Variants in INO80E observed in about 807,000 individuals in gnomAD.
INO80E encodes coiled-coil domain containing 95.
Under a neutral mutation model 27.3 loss-of-function variants are expected in INO80E, and 20 were observed. That is an observed-to-expected ratio of 0.73 (90% CI 0.51 to 1.06). The LOEUF (loss-of-function observed/expected upper bound fraction) is 1.06, where lower values mean the gene tolerates loss of function less well. Among genes scored for constraint, INO80E ranks in the 50% least tolerant of loss-of-function variants. INO80E has a pLI of 0.00. For missense variants in INO80E, 357 were observed against 322.8 expected (o/e 1.11, Z -0.81); for synonymous variants, 167 against 145.9 (o/e 1.14, Z -1.04).
In INO80E at chr16:30,003,621, T is replaced by C. The variant is rs914357319; in HGVS notation, c.514-1600T>C. 6.6e-6 allele frequency: 1 copy of C among 152,226 alleles called. No individual in the cohort carries two copies. Among genetic ancestry groups the C allele is most frequent in the Admixed American group, 6.5e-5 (1 of 15,282 alleles). The allele number at this position is 152,226 out of a possible 1,614,324, so 9.4% of individuals were successfully genotyped here. A position where few individuals can be genotyped will look rare whatever the true frequency, so the allele number is the denominator to read the frequency against. On this transcript the variant is annotated intron_variant, in intron 6 of 6. Coordinates refer to ENST00000563197, the MANE Select transcript of INO80E (RefSeq NM_173618.3). The surrounding 1 kb of genome is among the most constrained non-coding windows in gnomAD (Gnocchi z 4.4). ...GACCTCAGCGTTGTCATTTCACTCT[T>C]TAAGCCACAGCTCTCTTTCTCCATT...
chr16:29,996,530 C>G lies in INO80E; in HGVS notation c.82-17C>G. 1 of 1,558,998 alleles carries G rather than the reference C, an allele frequency of 6.4e-7. No homozygotes were observed. The highest frequency in any genetic ancestry group is 8.7e-7 in the Non-Finnish European group (1 of 1,151,234). The stretch of plus-strand genomic sequence containing the variant: ...CGGAGGACCGTTGGCCCAGCGCACC[C>G]CTTGCCCGTGATACAGGAGCACGAG... On this transcript the variant is annotated splice_polypyrimidine_tract_variant and intron_variant, in intron 1 of 6. Transcript: ENST00000563197.
At chr16:29,997,662 G>C (rs1237933087) in intron 3 of INO80E, among the ~76,000 whole-genome samples, 1 of 151,404 alleles carries the variant, frequency 6.6e-6, no homozygotes, top group Non-Finnish European at 1.5e-5. Flanking sequence ...GCTGAGGCAG[G>C]AGAATCATTT....
At chr16:29,996,441 A>C in intron 1 of INO80E, 50 bp downstream of exon 1, 1 of 1,556,700 alleles carries the variant, frequency 6.4e-7, no homozygotes, top group Non-Finnish European at 8.7e-7. Context: ...GGCGCGGACA[A>C]GATCTCAGTT....
Position 30,001,424 on chromosome 16 carries a change from C to G in INO80E, c.407C>G (p.Ser136Cys), listed in dbSNP as rs765194418. The change falls in exon 6 of 7, where the codon TCC (serine) becomes TGC (cysteine). Residue 136 changes from serine (S) to cysteine (C), a missense_variant. Transcript: ENST00000563197. ...PSPYLSSLAS[S>C]RYPPFPSDYL... ...CGCTCCCGCCCGCAGCTGGCCTCCTCCCGCTACCCCCCATTCCCTTCTGAC... is the reference window on the plus strand; with the variant it reads ...CGCTCCCGCCCGCAGCTGGCCTCCTGCCGCTACCCCCCATTCCCTTCTGAC... 4.5e-5 allele frequency: 72 copies of G among 1,600,866 alleles called. No homozygotes were observed. The highest frequency in any genetic ancestry group is 6.1e-5 in the Non-Finnish European group (71 of 1,173,086).
At chr16:30,001,603 G>A in intron 6 of INO80E, 73 bp downstream of exon 6, 1 of 1,418,142 alleles carries the variant, frequency 7.1e-7, no homozygotes, top group Non-Finnish European at 9.7e-7. Flanking sequence ...GCTGAAGGCG[G>A]GGGCCTGTCA....
chr16:30,001,736 C>T, intron 6 of INO80E: 1 of 541,780 alleles, frequency 1.8e-6, no homozygotes, highest in Non-Finnish European at 3.3e-6. Context: ...CTTGGAGGAC[C>T]CGGTGTGCAG....
At chr16:30,000,673 C>G (rs1188196808) in intron 3 of INO80E, 85 bp from the exon 4 acceptor site, 1 of 1,103,636 alleles carries the variant, frequency 9.1e-7, no homozygotes, top group African/African-American at 1.6e-5. Context: ...TCTTCCAGTG[C>G]CCTTCTGTAG....
In INO80E at chr16:30,001,439, T is replaced by C; in HGVS notation, c.422T>C (p.Phe141Ser). ...CTGGCCTCCTCCCGCTACCCCCCAT[T>C]CCCTTCTGACTACCTGGCCCTGCAG... ...SSLASSRYPPFPSDYLALQLP... is the reference protein window; with the variant it reads ...SSLASSRYPPSPSDYLALQLP... Residue 141 changes from phenylalanine to serine, a missense_variant, in exon 6 of 7, where the codon TTC becomes TCC. By Grantham distance (155) the Phe-to-Ser change is radical (BLOSUM62 -2). Transcript: ENST00000563197. The C allele has an allele frequency of 6.2e-7, 1 of 1,610,372 alleles. No homozygotes were observed. The highest frequency in any genetic ancestry group is 8.5e-7 in the Non-Finnish European group (1 of 1,178,408).
intron 3 of INO80E, among the ~76,000 whole-genome samples, chr16:29,997,552 A>C (rs2070178388): frequency 6.6e-6 from 1 of 152,198 alleles, no homozygotes; most frequent in Non-Finnish European, 1.5e-5. Context: ...TCGGGAGTTC[A>C]AGACCAGCCT....
At chr16:30,001,293 C>T in intron 5 of INO80E, 121 bp from the exon 6 acceptor site, 1 of 1,492,998 alleles carries the variant, frequency 6.7e-7, no homozygotes, top group Non-Finnish European at 9.0e-7. Flanking sequence ...CTCGGGAGCC[C>T]CGGGAGCCGC....
rs768258397 is a variant in INO80E, at chr16:29,996,370, G to A, written c.60G>A (p.Arg20=). The A allele has an allele frequency of 1.1e-5, 17 of 1,596,436 alleles. No homozygotes were observed. Among genetic ancestry groups the A allele is most frequent in the Non-Finnish European group, 1.4e-5 (16 of 1,171,328 alleles). Residue 20 remains arginine, a synonymous_variant, in exon 1 of 7, where the codon CGG becomes CGA. Transcript: ENST00000563197. ...DYKKKYRNLK[R]KLKFLIYEHE... is the part of the protein sequence containing the mutation. ...AAAAAAAATACCGGAATCTGAAGCG[G>A]AAGCTCAAGTTCCTCATCTACGTGA...
intron 6 of INO80E, chr16:30,002,814 G>T (rs1290865857): frequency 6.6e-6 from 1 of 152,370 alleles, no homozygotes; most frequent in East Asian, 1.9e-4. Flanking sequence ...AGCCTTGGGA[G>T]AGATGGGGAT....
chr16:30,004,706 AG>A (rs2070485228), intron 6 of INO80E: 1 of 155,180 alleles, frequency 6.4e-6, no homozygotes, highest in South Asian at 2.0e-4. Context: ...CGGGACCCCG[AG>A]GAGGGGCCCA....
At chr16:29,996,498 C>T in intron 1 of INO80E, 49 bp from the exon 2 acceptor site, 1 of 1,551,716 alleles carries the variant, frequency 6.4e-7, no homozygotes. Context: ...GGTTCCGGGG[C>T]CCTTCACGGA....
In INO80E at chr16:30,003,994, C is replaced by T. The variant is rs2070446855; in HGVS notation, c.514-1227C>T. 1.3e-5 allele frequency: 2 copies of T among 152,356 alleles called. No homozygotes were observed. The highest frequency in any genetic ancestry group is 2.4e-5 in the African/African-American group (1 of 41,424). The allele number at this position is 152,356 out of a possible 1,614,324, so 9.4% of individuals were successfully genotyped here. On this transcript the variant is annotated intron_variant, in intron 6 of 6. Transcript: ENST00000563197. The surrounding 1 kb of genome is among the most constrained non-coding windows in gnomAD (Gnocchi z 4.4). The stretch of plus-strand genomic sequence containing the variant: ...CTGACCCACCCTGGCCCCCACACCA[C>T]CCCAGCAGCGGAGATGAGGGTAAGT...
Position 30,001,427 on chromosome 16 carries a change from GCTACCCCCCATTCCCTTCTGA to G in INO80E, c.416_436del (p.Pro139_Tyr145del). On this transcript the variant is annotated inframe_deletion, in exon 6 of 7. Coordinates refer to ENST00000563197, the MANE Select transcript of INO80E (RefSeq NM_173618.3). ...TCCCGCCCGCAGCTGGCCTCCTCCC[GCTACCCCCCATTCCCTTCTGA>G]CTACCTGGCCCTGCAGCTGCCCGAG... is the stretch of plus-strand genomic sequence containing the variant. 1 of 1,602,888 alleles carries G rather than the reference GCTACCCCCCATTCCCTTCTGA, an allele frequency of 6.2e-7. No individual in the cohort carries two copies. Among genetic ancestry groups the G allele is most frequent in the Non-Finnish European group, 8.5e-7 (1 of 1,174,372 alleles).
intron 6 of INO80E, chr16:30,002,050 TCA>T (rs1012971554): frequency 2.0e-5 from 3 of 153,272 alleles, no homozygotes; most frequent in Non-Finnish European, 4.4e-5. Context: ...CTCACAGAGC[TCA>T]CAGTCTAGCA....
rs1185631989 is a variant in INO80E at position 29,997,798 on chromosome 16, G to A, written c.205+938G>A. 4.7e-5 allele frequency among the ~76,000 whole-genome samples: 7 copies of A among 149,166 alleles called. No individual in the cohort carries two copies. The South Asian group carries it at 1.3e-3, about 27-fold the overall frequency. On this transcript the variant is annotated intron_variant, in intron 3 of 6. Transcript: ENST00000563197. Reference sequence around the variant, plus strand: ...CCTTCTTAGCTTGCAGACCACACAAGCAGGCAGCAGGCAACCTCTGAATGG... The same window carrying A: ...CCTTCTTAGCTTGCAGACCACACAAACAGGCAGCAGGCAACCTCTGAATGG...
rs1567269739 is a variant in INO80E at position 30,001,425 on chromosome 16, C to T, written c.408C>T (p.Ser136=). 2 of 1,601,882 alleles carry T rather than the reference C, an allele frequency of 1.2e-6. No homozygotes were observed. The highest frequency in any genetic ancestry group is 1.7e-6 in the Non-Finnish European group (2 of 1,173,642). Reference sequence around the variant, plus strand: ...GCTCCCGCCCGCAGCTGGCCTCCTCCCGCTACCCCCCATTCCCTTCTGACT... The same window carrying T: ...GCTCCCGCCCGCAGCTGGCCTCCTCTCGCTACCCCCCATTCCCTTCTGACT... ...PSPYLSSLAS[S]RYPPFPSDYL... is the part of the protein sequence containing the mutation. Residue 136 remains serine, a synonymous_variant, in exon 6 of 7, where the codon TCC becomes TCT. Transcript: ENST00000563197.
Sources: gnomAD v4.1 joint callset for allele counts (sites outside exome capture counted in the v4.1 genomes callset) on GRCh38, gnomAD v4.1.1 for gene constraint, Gnocchi (gnomAD v3.1) non-coding constraint, MANE v1.5 for transcripts, NCBI Gene and HGNC (gene_info 2026-07-23, HGNC 2026-07-21) for gene names.